NLRP4: variants seen among roughly 807,000 people sequenced by gnomAD.
The protein encoded by NLRP4 is NACHT, LRR and PYD domains-containing protein 4.
NLRP4 carries 44 observed loss-of-function variants against 84.7 expected under a neutral mutation model. That is an observed-to-expected ratio of 0.52 (90% CI 0.41 to 0.67). The LOEUF is 0.67. Ranked by LOEUF, NLRP4 falls within the 30% of genes least tolerant of loss-of-function variation. The pLI is 0.00. For synonymous variants in NLRP4, 544 were observed against 476.4 expected (o/e 1.14, Z -1.85); for missense variants, 1,260 against 1,219.4 (o/e 1.03, Z -0.50).
chr19:55,861,498 A>AG lies in NLRP4; in HGVS notation c.1969_1970insG (p.Thr657SerfsTer4). On this transcript the variant is annotated frameshift_variant, in exon 4 of 10. Transcript: ENST00000301295. LOFTEE classifies it high-confidence loss of function. ...CACCCTCAGCGAGTCGACCTTTGTGACCTGGTGTAACCAGCTGAGGCATCC... is the reference window on the plus strand; with the variant it reads ...CACCCTCAGCGAGTCGACCTTTGTGAGCCTGGTGTAACCAGCTGAGGCATCC... 2 of 1,614,138 alleles carry AG rather than the reference A, an allele frequency of 1.2e-6. No homozygotes were observed. The highest frequency in any genetic ancestry group is 8.5e-7 in the Non-Finnish European group (1 of 1,180,020).
intron 5 of NLRP4, among the ~76,000 whole-genome samples, chr19:55,866,150 C>T (rs909980818): frequency 1.3e-5 from 2 of 152,126 alleles, no homozygotes; most frequent in African/African-American, 4.8e-5. Flanking sequence ...TCTTCTGCCT[C>T]AGCCTCCTGA....
intron 1 of NLRP4, among the ~76,000 whole-genome samples, chr19:55,837,583 G>A (rs984245468): frequency 7.0e-6 from 1 of 142,336 alleles, no homozygotes; most frequent in African/African-American, 2.6e-5. Flanking sequence ...ACTGTTAAGG[G>A]TTGAATTGTG....
Position 55,871,331 on chromosome 19 carries a change from G to C in NLRP4, c.2525+334G>C, listed in dbSNP as rs902175625. ...TCTACAAAATGAATGCACTTCATCA[G>C]GTGCAAAAATAAAGCCAAAATTCCA... On this transcript the variant is annotated intron_variant, in intron 7 of 9. Coordinates refer to ENST00000301295, the MANE Select transcript of NLRP4 (RefSeq NM_134444.5). Among the ~76,000 whole-genome samples, 15 of 152,124 alleles carry C rather than the reference G, an allele frequency of 9.9e-5. No homozygotes were observed. In the South Asian group the frequency reaches 1.7e-3, roughly 17 times the overall value.
At position 55,881,849 on chromosome 19, in the gene NLRP4, T is replaced by A; in HGVS notation, c.*262T>A. The A allele has an allele frequency of 7.6e-6, 2 of 264,850 alleles. No homozygotes were observed. Among genetic ancestry groups the A allele is most frequent in the Non-Finnish European group, 1.4e-5 (2 of 142,682 alleles). 16.4% of individuals were successfully genotyped at this position (264,850 alleles called of 1,614,324 possible). A position where few individuals can be genotyped will look rare whatever the true frequency, so the allele number is the denominator to read the frequency against. On this transcript the variant is annotated 3_prime_UTR_variant, in exon 10 of 10. Transcript: ENST00000301295. ...CAATAAAGTGTTACATTTCTAAACA[T>A]TGGAAATTCTTTTTTTGCCTTTTTT...
chr19:55,876,278 C>T (rs780006488), intron 7 of NLRP4, among the ~76,000 whole-genome samples: 1 of 152,160 alleles, frequency 6.6e-6, no homozygotes, highest in African/African-American at 2.4e-5. Flanking sequence ...CCTCCATATC[C>T]ATAGGAGGTT....
At chr19:55,880,461 A>G (rs1985544674) in intron 9 of NLRP4, among the ~76,000 whole-genome samples, 1 of 152,208 alleles carries the variant, frequency 6.6e-6, no homozygotes, top group African/African-American at 2.4e-5. Flanking sequence ...CCTATCTACA[A>G]AATAGGGATG....
intron 1 of NLRP4, among the ~76,000 whole-genome samples, chr19:55,846,582 A>G (rs549574858): frequency 6.6e-6 from 1 of 152,330 alleles, no homozygotes; most frequent in African/African-American, 2.4e-5. Context: ...GTTATATAAC[A>G]GATATATAAC....
At chr19:55,846,624 A>G (rs1349537989) in intron 1 of NLRP4, among the ~76,000 whole-genome samples, 1 of 152,064 alleles carries the variant, frequency 6.6e-6, no homozygotes, top group African/African-American at 2.4e-5. Flanking sequence ...ATCACTAACT[A>G]TTTGCCCAAA....
Position 55,847,154 on chromosome 19 carries a change from A to AGG in NLRP4, c.-65-4855_-65-4854dup, listed in dbSNP as rs148650884. Reference sequence around the variant, plus strand: ...TTCTCCAAATTACCTATTTTATTTGAGGGGGGGGCAGCAACATTCTGCCTA... The same window carrying AGG: ...TTCTCCAAATTACCTATTTTATTTGAGGGGGGGGGGCAGCAACATTCTGCCTA... On this transcript the variant is annotated intron_variant, in intron 1 of 9. Coordinates refer to ENST00000301295, the MANE Select transcript of NLRP4 (RefSeq NM_134444.5). 3.6e-3 allele frequency among the ~76,000 whole-genome samples: 523 copies of AGG among 147,178 alleles called. 5 individuals are homozygous for AGG. Among genetic ancestry groups the AGG allele is most frequent in the Non-Finnish European group, 5.6e-3 (380 of 67,788 alleles).
At chr19:55,840,309 C>CG (rs1983555908) in intron 1 of NLRP4, among the ~76,000 whole-genome samples, 1 of 149,812 alleles carries the variant, frequency 6.7e-6, no homozygotes, top group African/African-American at 2.5e-5. Context: ...TGACCATTGT[C>CG]GGGGGTGTGT....
chr19:55,876,749 A>G lies in NLRP4; in HGVS notation c.2526-247A>G, dbSNP rs118188245. Among the ~76,000 whole-genome samples, 622 of 152,236 alleles carry G rather than the reference A, an allele frequency of 4.1e-3. 2 individuals carry two copies. Among genetic ancestry groups the G allele is most frequent in the Non-Finnish European group, 4.8e-3 (324 of 68,020 alleles). On this transcript the variant is annotated intron_variant, in intron 7 of 9. Coordinates refer to ENST00000301295, the MANE Select transcript of NLRP4 (RefSeq NM_134444.5). Reference sequence around the variant, plus strand: ...TTACTGTGATATGTAATACAATGTAAATGTTGTGTGAACAGTTGTTATACT... The same window carrying G: ...TTACTGTGATATGTAATACAATGTAGATGTTGTGTGAACAGTTGTTATACT...
intron 5 of NLRP4, among the ~76,000 whole-genome samples, chr19:55,867,294 C>A (rs574411625): frequency 6.7e-6 from 1 of 148,674 alleles, no homozygotes; most frequent in Non-Finnish European, 1.5e-5. Context: ...CCCCAGAGAC[C>A]GTAAGCCAAG....
chr19:55,849,200 C>G (rs1430402790), intron 1 of NLRP4, among the ~76,000 whole-genome samples: 1 of 152,138 alleles, frequency 6.6e-6, no homozygotes, highest in South Asian at 2.1e-4. Flanking sequence ...AAAGTTGTTA[C>G]AGTTTTAGCT....
rs191686148 is a variant in NLRP4 at position 55,870,539 on chromosome 19, T to G, written c.2355-288T>G. On this transcript the variant is annotated intron_variant, in intron 6 of 9. Coordinates refer to ENST00000301295, the MANE Select transcript of NLRP4 (RefSeq NM_134444.5). Reference sequence around the variant, plus strand: ...TTAGCGAGATGTGGTTGTGGGTGCCTGTAATCTCAGCTACTTGGGAGGCTA... The same window carrying G: ...TTAGCGAGATGTGGTTGTGGGTGCCGGTAATCTCAGCTACTTGGGAGGCTA... Among the ~76,000 whole-genome samples, 563 of 152,266 alleles carry G rather than the reference T, an allele frequency of 3.7e-3. 7 individuals carry two copies. Among genetic ancestry groups the G allele is most frequent in the East Asian group, 0.024 (123 of 5,170 alleles).
chr19:55,838,774 C>G (rs1983493862), intron 1 of NLRP4, among the ~76,000 whole-genome samples: 1 of 152,034 alleles, frequency 6.6e-6, no homozygotes, highest in Non-Finnish European at 1.5e-5. Flanking sequence ...CTAAATGCTT[C>G]AGGGTTTATC....
At chr19:55,844,460 G>A (rs541064446) in intron 1 of NLRP4, among the ~76,000 whole-genome samples, 1 of 152,200 alleles carries the variant, frequency 6.6e-6, no homozygotes, top group African/African-American at 2.4e-5. Context: ...ATTTTTGGTA[G>A]AGATGGGATT....
At chr19:55,860,807 G>A (rs560583301) in intron 3 of NLRP4, among the ~76,000 whole-genome samples, 7 of 151,970 alleles carry the variant, frequency 4.6e-5, no homozygotes, top group African/African-American at 9.7e-5. Flanking sequence ...GCGAAACCCC[G>A]TCTCTACTAA....
At chr19:55,871,528 C>G (rs897246506) in intron 7 of NLRP4, among the ~76,000 whole-genome samples, 2 of 152,182 alleles carry the variant, frequency 1.3e-5, no homozygotes, top group Non-Finnish European at 2.9e-5. Context: ...TGGGTAACCC[C>G]TGTAGCGGCG....
chr19:55,879,180 T>G (rs1174033040), intron 9 of NLRP4, among the ~76,000 whole-genome samples: 1 of 152,232 alleles, frequency 6.6e-6, no homozygotes, highest in Non-Finnish European at 1.5e-5. Context: ...ACTTGTGAAG[T>G]GGCCTCATTG....
Sources: allele counts gnomAD v4.1 joint callset (sites outside exome capture counted in the v4.1 genomes callset), GRCh38; gene constraint gnomAD v4.1.1; transcripts MANE v1.5; gene names NCBI Gene and HGNC (gene_info 2026-07-23, HGNC 2026-07-21).